Variants in ABHD2 observed in about 807,000 individuals in gnomAD.
ABHD2 encodes monoacylglycerol lipase ABHD2.
In ABHD2, 20 loss-of-function variants were observed where a neutral mutation model predicts 48.1. The ratio of observed to expected loss-of-function variants is 0.42; its 90% CI spans 0.29 to 0.60. The LOEUF (loss-of-function observed/expected upper bound fraction) is 0.60. Among genes scored for constraint, ABHD2 ranks in the 20% least tolerant of loss-of-function variants. The probability of loss-of-function intolerance (pLI) is 0.24; values close to 1 mark genes in which losing one functional copy is unlikely to be tolerated. For synonymous variants in ABHD2, 209 were observed against 214.2 expected, an observed-to-expected ratio of 0.98 and a Z score of 0.21; for missense variants, 405 against 550.9, an observed-to-expected ratio of 0.74 and a Z score of 2.65.
chr15:89,130,344 G>A (rs184071786), intron 3 of ABHD2, among the ~76,000 whole-genome samples: 11 of 152,228 alleles, frequency 7.2e-5, no homozygotes, highest in Admixed American at 5.9e-4. Flanking sequence ...ACCTGCTTCC[G>A]TGGTCATCAC....
chr15:89,054,705 G>C, the ABHD2 span, among the ~76,000 whole-genome samples: 2 of 149,238 alleles, frequency 1.3e-5, no homozygotes, highest in African/African-American at 4.9e-5. Flanking sequence ...AAAAAAAAAA[G>C]AAAAGGCACC....
chr15:89,169,220 G>A (rs74817393), intron 5 of ABHD2, among the ~76,000 whole-genome samples: 8,229 of 152,192 alleles, frequency 0.054, 788 homozygotes, highest in African/African-American at 0.19. Context: ...AAGGGGCTTG[G>A]GCTTTGGGGT....
At chr15:89,115,416 G>A (rs1567073490) in intron 2 of ABHD2, among the ~76,000 whole-genome samples, 1 of 94,642 alleles carries the variant, frequency 1.1e-5, no homozygotes, top group East Asian at 2.6e-4. Flanking sequence ...GTGTGTGTGT[G>A]TGTGTGTGTG....
rs2051440225 is a variant in ABHD2 at position 89,198,880 on chromosome 15, C to G, written c.*3457C>G. The G allele has an allele frequency of 6.6e-6, 1 of 152,186 alleles. No homozygotes were observed. The highest frequency in any genetic ancestry group is 2.4e-5 in the African/African-American group (1 of 41,418). 9.4% of individuals were successfully genotyped at this position (152,186 alleles called of 1,614,324 possible). On this transcript the variant is annotated 3_prime_UTR_variant, in exon 11 of 11. Transcript: ENST00000352732. The surrounding 1 kb of genome is among the most constrained non-coding windows in gnomAD (Gnocchi z 5.1). ...GAAGACCCTTGATCTTGTCCAAAGC[C>G]CTGTGTCTTTGACTGGCTTCTCTTC...
intron 9 of ABHD2, 145 bp downstream of exon 9, chr15:89,191,294 A>C: frequency 1.3e-6 from 1 of 755,234 alleles, no homozygotes; most frequent in East Asian, 2.7e-5. Flanking sequence ...TTGTTTATTG[A>C]ACCAGGCTCT....
chr15:89,119,004 T>C (rs934262404), intron 3 of ABHD2, among the ~76,000 whole-genome samples: 1 of 152,208 alleles, frequency 6.6e-6, no homozygotes, highest in Admixed American at 6.5e-5. Context: ...TTTAGAAAAT[T>C]AGCATCAGCC....
chr15:89,074,167 A>G, the ABHD2 span, among the ~76,000 whole-genome samples: 1 of 152,182 alleles, frequency 6.6e-6, no homozygotes, highest in South Asian at 2.1e-4. Flanking sequence ...TAAGGTCAAG[A>G]GTTCAAGACC....
chr15:89,053,436 C>A, the ABHD2 span, among the ~76,000 whole-genome samples: 1 of 152,184 alleles, frequency 6.6e-6, no homozygotes, highest in Non-Finnish European at 1.5e-5. Flanking sequence ...ACTGACCAGG[C>A]CAGGGACCCT....
At chr15:89,082,186 A>G in the ABHD2 span, among the ~76,000 whole-genome samples, 3 of 152,228 alleles carry the variant, frequency 2.0e-5, no homozygotes, top group Non-Finnish European at 4.4e-5. The surrounding 1 kb of genome is among the most constrained non-coding windows in gnomAD (Gnocchi z 4.4). Flanking sequence ...GGGGCTGAAT[A>G]AGGTATTTAA....
At chr15:89,081,585 G>A in the ABHD2 span, among the ~76,000 whole-genome samples, 1 of 152,150 alleles carries the variant, frequency 6.6e-6, no homozygotes, top group African/African-American at 2.4e-5. Flanking sequence ...TGTAATAGTT[G>A]GCCGGGTGCA....
At chr15:89,117,989 A>AT (rs1036340269) in intron 3 of ABHD2, among the ~76,000 whole-genome samples, 2 of 152,184 alleles carry the variant, frequency 1.3e-5, no homozygotes, top group Non-Finnish European at 2.9e-5. Context: ...AAATGTCATC[A>AT]TACTGAATTT....
intron 1 of ABHD2, among the ~76,000 whole-genome samples, chr15:89,105,055 A>AT (rs950803154): frequency 1.9e-4 from 29 of 152,186 alleles, no homozygotes; most frequent in Non-Finnish European, 1.9e-4. Context: ...CTGGCGTAAG[A>AT]TTTTTTTGTT....
rs1210304901 is a variant in ABHD2 at position 89,177,213 on chromosome 15, CAT to C, written c.722+1220_722+1221del. ...TGATGATGATAAGCAGTACCTACCT[CAT>C]AGCACCGCTGAGAGTCAAATGAGTT... On this transcript the variant is annotated intron_variant, in intron 6 of 10. Coordinates refer to ENST00000352732, the MANE Select transcript of ABHD2 (RefSeq NM_152924.5). The surrounding 1 kb of genome is among the most constrained non-coding windows in gnomAD (Gnocchi z 5.6). Among the ~76,000 whole-genome samples, 4 of 152,232 alleles carry C rather than the reference CAT, an allele frequency of 2.6e-5. No individual in the cohort carries two copies. Among genetic ancestry groups the C allele is most frequent in the African/African-American group, 9.6e-5 (4 of 41,456 alleles).
At chr15:89,181,133 G>A (rs11632097) in intron 6 of ABHD2, among the ~76,000 whole-genome samples, 94,302 of 149,890 alleles carry the variant, frequency 0.63, 29,930 homozygotes, top group East Asian at 0.8. Flanking sequence ...GGCTGAGGCA[G>A]GAAAATCTCT....
At chr15:89,183,926 T>C (rs1256257265) in intron 6 of ABHD2, among the ~76,000 whole-genome samples, 1 of 151,660 alleles carries the variant, frequency 6.6e-6, no homozygotes, top group African/African-American at 2.4e-5. Flanking sequence ...TGTGGCTCGG[T>C]GATTGGGTGA....
chr15:89,049,200 C>G, the ABHD2 span, among the ~76,000 whole-genome samples: 1 of 152,142 alleles, frequency 6.6e-6, no homozygotes, highest in Non-Finnish European at 1.5e-5. Context: ...TTAGGCTGCC[C>G]GGAGGTCAGG....
chr15:89,148,388 G>A (rs2050533435), intron 3 of ABHD2, among the ~76,000 whole-genome samples: 1 of 152,102 alleles, frequency 6.6e-6, no homozygotes, highest in Admixed American at 6.5e-5. Flanking sequence ...AACACAAGTT[G>A]AAACAAGATA....
intron 1 of ABHD2, among the ~76,000 whole-genome samples, chr15:89,095,484 G>C (rs976066585): frequency 6.6e-6 from 1 of 152,188 alleles, no homozygotes; most frequent in Non-Finnish European, 1.5e-5. Flanking sequence ...GAAGTGCCAC[G>C]TTTTAGTTCT....
At chr15:89,059,275 A>C in the ABHD2 span, among the ~76,000 whole-genome samples, 2 of 152,088 alleles carry the variant, frequency 1.3e-5, no homozygotes, top group East Asian at 3.9e-4. Flanking sequence ...GCCACTTGAC[A>C]CCCACTCACA....
Sources: gnomAD v4.1 joint callset for allele counts (sites outside exome capture counted in the v4.1 genomes callset) on GRCh38, gnomAD v4.1.1 for gene constraint, Gnocchi (gnomAD v3.1) non-coding constraint, MANE v1.5 for transcripts, NCBI Gene and HGNC (gene_info 2026-07-23, HGNC 2026-07-21) for gene names.